The following SHC4 variants were observed in gnomAD, a reference collection of about 807,000 sequenced individuals.
The protein encoded by SHC4 is SHC-transforming protein 4.
In SHC4, 41 loss-of-function variants were observed where a neutral mutation model predicts 69.4. That is an observed-to-expected ratio of 0.59 (90% CI 0.46 to 0.77). The LOEUF (loss-of-function observed/expected upper bound fraction) is 0.77. SHC4 is among the 30% of genes least tolerant of loss of function. The pLI is 0.00. For missense variants in SHC4, 777 were observed against 783.8 expected, an observed-to-expected ratio of 0.99 and a Z score of 0.10; for synonymous variants, 318 against 299.3, an observed-to-expected ratio of 1.06 and a Z score of -0.64.
intron 2 of SHC4, among the ~76,000 whole-genome samples, chr15:48,906,552 T>G (rs746972325): frequency 1.3e-5 from 2 of 152,098 alleles, no homozygotes; most frequent in Non-Finnish European, 2.9e-5. Flanking sequence ...ACTACCATAT[T>G]GCCACAATAC....
At chr15:48,945,720 A>G (rs1901264946) in intron 1 of SHC4, among the ~76,000 whole-genome samples, 1 of 25,848 alleles carries the variant, frequency 3.9e-5, no homozygotes, top group Non-Finnish European at 1.2e-4. Context: ...GAGGGGAAGA[A>G]GAGGGAGTGG....
chr15:48,867,719 G>C (rs917274599), intron 6 of SHC4, 99 bp downstream of exon 6: 37 of 1,022,472 alleles, frequency 3.6e-5, no homozygotes, highest in Non-Finnish European at 5.6e-5. Context: ...TAGCACCCTA[G>C]TGATAGTCAT....
intron 2 of SHC4, among the ~76,000 whole-genome samples, chr15:48,921,427 C>T (rs192054311): frequency 4.6e-5 from 7 of 151,800 alleles, no homozygotes; most frequent in African/African-American, 1.2e-4. Context: ...CTCCGCCTCC[C>T]GGGTTCAAGC....
At chr15:48,872,294 A>C in intron 4 of SHC4, 152 bp from the exon 5 acceptor site, 57 of 494,234 alleles carry the variant, frequency 1.2e-4, no homozygotes, top group Middle Eastern at 1.1e-3. Context: ...TAATAATCTC[A>C]TTTAAACCAC....
chr15:48,889,013 C>T (rs1039719858), intron 3 of SHC4, among the ~76,000 whole-genome samples: 2 of 151,722 alleles, frequency 1.3e-5, no homozygotes, highest in African/African-American at 4.8e-5. Flanking sequence ...ATACTAAGTA[C>T]TCAATACATG....
rs3985853 is a variant in SHC4 at position 48,917,243 on chromosome 15, T to TTG, written c.656+7634_656+7635dup. On this transcript the variant is annotated intron_variant, in intron 2 of 11. Transcript: ENST00000332408. ...CTTTAAGTTTTAGTGACCTGATTTC[T>TTG]TGTGTGTGTGTGTGTGTGTGTGTGT... Among the ~76,000 whole-genome samples the TTG allele has an allele frequency of 9.6e-3, 1,321 of 137,176 alleles. 12 individuals carry two copies. Among genetic ancestry groups the TTG allele is most frequent in the African/African-American group, 0.028 (1,058 of 37,528 alleles). The allele number at this position is 137,176 out of a possible 152,430, so 90.0% of individuals were successfully genotyped here.
At chr15:48,961,215 C>G (rs191847094) in intron 1 of SHC4, among the ~76,000 whole-genome samples, 1 of 152,186 alleles carries the variant, frequency 6.6e-6, no homozygotes, top group Admixed American at 6.5e-5. Flanking sequence ...AATCAACCAA[C>G]TGGTCTTTTA....
chr15:48,920,373 C>T (rs1304917041), intron 2 of SHC4, among the ~76,000 whole-genome samples: 1 of 152,016 alleles, frequency 6.6e-6, no homozygotes, highest in East Asian at 1.9e-4. Flanking sequence ...TGTAATATTG[C>T]ACATCTGAGT....
intron 2 of SHC4, among the ~76,000 whole-genome samples, chr15:48,915,372 G>C (rs62010884): frequency 6.6e-6 from 1 of 152,126 alleles, no homozygotes; most frequent in Non-Finnish European, 1.5e-5. Context: ...ATCTTTGAAG[G>C]CTTCTAAAAG....
chr15:48,892,526 A>G (rs528121234), intron 2 of SHC4, among the ~76,000 whole-genome samples: 18 of 152,292 alleles, frequency 1.2e-4, no homozygotes, highest in Middle Eastern at 3.4e-3. Context: ...ATTTTGAGTC[A>G]TCTTAATGAC....
intron 6 of SHC4, among the ~76,000 whole-genome samples, chr15:48,865,923 G>A (rs1406535143): frequency 6.6e-6 from 1 of 152,190 alleles, no homozygotes; most frequent in East Asian, 1.9e-4. Context: ...CTTAAGCAAA[G>A]GGAGAGCTTT....
At chr15:48,909,236 TG>T (rs565315492) in intron 2 of SHC4, among the ~76,000 whole-genome samples, 54 of 152,248 alleles carry the variant, frequency 3.5e-4, no homozygotes, top group African/African-American at 1.0e-3. Context: ...AGCATTGTTT[TG>T]TAGTCTTCCT....
chr15:48,912,455 T>C (rs1033490466), intron 2 of SHC4, among the ~76,000 whole-genome samples: 2 of 152,232 alleles, frequency 1.3e-5, no homozygotes, highest in Admixed American at 1.3e-4. Flanking sequence ...TCTTTTTCTT[T>C]AAGCTATCTA....
chr15:48,878,259 T>C, intron 4 of SHC4: 34 of 1,612,992 alleles, frequency 2.1e-5, no homozygotes, highest in Non-Finnish European at 2.9e-5. Context: ...GAGGGTGACC[T>C]TCCGCAGATG....
intron 9 of SHC4, among the ~76,000 whole-genome samples, chr15:48,849,615 G>A (rs1165656577): frequency 6.6e-6 from 1 of 152,154 alleles, no homozygotes; most frequent in Non-Finnish European, 1.5e-5. Context: ...AGGACATGGA[G>A]GTATTTCCAA....
intron 2 of SHC4, 125 bp from the exon 3 acceptor site, chr15:48,890,936 T>C: frequency 1.0e-6 from 1 of 999,188 alleles, no homozygotes; most frequent in Non-Finnish European, 1.5e-6. Flanking sequence ...CTAACACAAA[T>C]GGTATTCTCC....
chr15:48,961,406 C>T (rs1901544081), intron 1 of SHC4, among the ~76,000 whole-genome samples: 1 of 152,094 alleles, frequency 6.6e-6, no homozygotes, highest in Admixed American at 6.5e-5. Context: ...ACAAGCCACC[C>T]CCTCCCTCAG....
rs913366785 is a variant in SHC4 at position 48,860,452 on chromosome 15, G to A, written c.947-2637C>T. Among the ~76,000 whole-genome samples the A allele has an allele frequency of 3.3e-5, 5 of 151,868 alleles. No homozygotes were observed. In the East Asian group the frequency reaches 9.7e-4, roughly 29 times the overall value. On this transcript the variant is annotated intron_variant, in intron 6 of 11. Transcript: ENST00000332408. ...AACCTGGGAGGCAGAGGTTGCAGTG[G>A]GCCAAGATGGCGTCATTGCACTCCA...
chr15:48,899,550 A>G (rs1444325161), intron 2 of SHC4, among the ~76,000 whole-genome samples: 1 of 152,190 alleles, frequency 6.6e-6, no homozygotes, highest in Non-Finnish European at 1.5e-5. Flanking sequence ...CAAGACAGCA[A>G]TTGGTGTAAT....
Sources: allele counts gnomAD v4.1 joint callset (sites outside exome capture counted in the v4.1 genomes callset), GRCh38; gene constraint gnomAD v4.1.1; transcripts MANE v1.5; gene names NCBI Gene and HGNC (gene_info 2026-07-23, HGNC 2026-07-21).